NLGN4Y: variants seen among roughly 807,000 people sequenced by gnomAD.
NLGN4Y encodes neuroligin 4 Y-linked, also known as neuroligin-4, Y-linked.
Under a neutral mutation model 8.4 loss-of-function variants are expected in NLGN4Y, and 4 were observed. The ratio of observed to expected loss-of-function variants is 0.48; its 90% CI spans 0.23 to 1.09. NLGN4Y has a LOEUF of 1.09. NLGN4Y is among the 50% of genes least tolerant of loss of function. The pLI is 0.19. For synonymous variants in NLGN4Y, 35 were observed against 75.6 expected, an observed-to-expected ratio of 0.46 and a Z score of 2.78; for missense variants, 90 against 192.3, an observed-to-expected ratio of 0.47 and a Z score of 3.15.
intron 4 of NLGN4Y, among the ~76,000 whole-genome samples, chrY:14,762,017 T>TA (rs2081080896): frequency 6.1e-5 from 2 of 32,640 alleles, no homozygotes; most frequent in Admixed American, 5.7e-4. Context: ...CTGCTGGGCA[T>TA]GGTGGTACAT....
chrY:14,700,599 TCTGA>T (rs2150543544), intron 2 of NLGN4Y, among the ~76,000 whole-genome samples: 1 of 33,445 alleles, frequency 3.0e-5, no homozygotes, highest in East Asian at 8.0e-4. Flanking sequence ...AAGACCGTGT[TCTGA>T]CTATTTGTTT....
intron 1 of NLGN4Y, among the ~76,000 whole-genome samples, chrY:14,569,648 T>A (rs2080262831): frequency 3.0e-5 from 1 of 33,610 alleles, no homozygotes; most frequent in Admixed American, 2.7e-4. Flanking sequence ...ATGGGATTGC[T>A]GGGCCAAATG....
chrY:14,816,821 G>A (rs1005542942), intron 4 of NLGN4Y, among the ~76,000 whole-genome samples: 1 of 33,220 alleles, frequency 3.0e-5, no homozygotes, highest in Admixed American at 2.7e-4. Context: ...ATGCTAGATC[G>A]GTCCCATGCT....
At chrY:14,651,438 T>G (rs769837420) in intron 2 of NLGN4Y, among the ~76,000 whole-genome samples, 1 of 33,612 alleles carries the variant, frequency 3.0e-5, no homozygotes, top group African/African-American at 1.2e-4. Flanking sequence ...TTAATTATTA[T>G]TAGTAGTATT....
chrY:14,577,712 C>T, intron 1 of NLGN4Y, among the ~76,000 whole-genome samples: 1 of 33,735 alleles, frequency 3.0e-5, no homozygotes, highest in African/African-American at 1.2e-4. Flanking sequence ...CGTTGTGTTC[C>T]ACAACAGTTG....
chrY:14,665,672 A>C lies in NLGN4Y; in HGVS notation c.472+43081A>C, dbSNP rs750176884. 9.1e-5 allele frequency among the ~76,000 whole-genome samples: 3 copies of C among 33,076 alleles called. No homozygotes were observed. The East Asian group carries it at 2.5e-3, about 27-fold the overall frequency. 88.7% of individuals were successfully genotyped at this position (33,076 alleles called of 37,273 possible). On this transcript the variant is annotated intron_variant, in intron 2 of 6. Transcript: ENST00000684976. ...GTCATGCAAAGACTCTAGGGCTTGA[A>C]GGAGCCCAGTGCAATCAGGATCTGA... is the stretch of plus-strand genomic sequence containing the variant.
chrY:14,661,518 C>CA (rs2080674824), intron 2 of NLGN4Y, among the ~76,000 whole-genome samples: 1 of 32,795 alleles, frequency 3.0e-5, no homozygotes, highest in Admixed American at 2.8e-4. Context: ...AAAAACCACA[C>CA]AAAAAAATTG....
intron 4 of NLGN4Y, among the ~76,000 whole-genome samples, chrY:14,740,911 CT>C (rs2081004194): frequency 3.3e-5 from 1 of 30,654 alleles, no homozygotes; most frequent in Non-Finnish European, 8.0e-5. Flanking sequence ...CCAAACTATA[CT>C]TTTTTTTTTG....
intron 2 of NLGN4Y, among the ~76,000 whole-genome samples, chrY:14,646,656 C>G: frequency 3.0e-5 from 1 of 33,746 alleles, no homozygotes; most frequent in Non-Finnish European, 7.3e-5. Flanking sequence ...GTGAACATTA[C>G]TGAGGTAGAG....
At chrY:14,751,713 G>T (rs2081042097) in intron 4 of NLGN4Y, 1 of 27,841 alleles carries the variant, frequency 3.6e-5, no homozygotes, top group Non-Finnish European at 8.4e-5. Context: ...AGGCTGAAGT[G>T]CAGTGGCATG....
chrY:14,675,183 A>G (rs2080744281), intron 2 of NLGN4Y, among the ~76,000 whole-genome samples: 3 of 33,254 alleles, frequency 9.0e-5, no homozygotes, highest in Admixed American at 8.2e-4. Context: ...GATGGTGTGG[A>G]GCTACAATTT....
At chrY:14,704,949 A>G in intron 2 of NLGN4Y, among the ~76,000 whole-genome samples, 1 of 33,315 alleles carries the variant, frequency 3.0e-5, no homozygotes, top group Non-Finnish European at 7.4e-5. Context: ...TTGTTTGTGT[A>G]GAGGTGTTTA....
intron 2 of NLGN4Y, among the ~76,000 whole-genome samples, chrY:14,677,497 ATACCTGCCTTTC>A (rs2080752956): frequency 3.1e-5 from 1 of 32,594 alleles, no homozygotes; most frequent in Admixed American, 2.8e-4. Context: ...TTCCCCGAGC[ATACCTGCCTTTC>A]TACCTGCCTG....
chrY:14,785,669 C>A (rs748226730), intron 4 of NLGN4Y, among the ~76,000 whole-genome samples: 23 of 28,811 alleles, frequency 8.0e-4, no homozygotes, highest in South Asian at 4.6e-3. Flanking sequence ...GAGGCTGAAG[C>A]AGGAGAATGG....
chrY:14,782,026 G>A (rs996262979), intron 4 of NLGN4Y, among the ~76,000 whole-genome samples: 36 of 32,967 alleles, frequency 1.1e-3, no homozygotes, highest in African/African-American at 4.3e-3. Context: ...GTGTGTGAAG[G>A]GAACCGTGGG....
chrY:14,721,033 T>G, intron 3 of NLGN4Y, among the ~76,000 whole-genome samples: 1 of 34,061 alleles, frequency 2.9e-5, no homozygotes, highest in Non-Finnish European at 7.3e-5. Context: ...GTTTTCACAT[T>G]ATTCCCAGTG....
chrY:14,684,413 A>G, intron 2 of NLGN4Y, among the ~76,000 whole-genome samples: 1 of 32,511 alleles, frequency 3.1e-5, no homozygotes, highest in Non-Finnish European at 7.6e-5. Flanking sequence ...TGGCATCAGG[A>G]TCTGCTTCAA....
chrY:14,529,334 A>G (rs758997968), intron 1 of NLGN4Y, among the ~76,000 whole-genome samples: 31 of 32,722 alleles, frequency 9.5e-4, no homozygotes, highest in African/African-American at 3.5e-3. Flanking sequence ...TGAGGTTACT[A>G]AAAGTGTTAT....
At position 14,736,204 on chromosome Y, in the gene NLGN4Y, T is replaced by C. The variant is rs370441449; in HGVS notation, c.685+12935T>C. Among the ~76,000 whole-genome samples the C allele has an allele frequency of 5.1e-3, 170 of 33,351 alleles. No individual in the cohort carries two copies. The East Asian group carries it at 0.12, about 23-fold the overall frequency. 89.5% of individuals were successfully genotyped at this position (33,351 alleles called of 37,273 possible). A position where few individuals can be genotyped will look rare whatever the true frequency, so the allele number is the denominator to read the frequency against. ...ATTATTGTAACTTGGATGTGAGACA[T>C]GGAGTCAAAGAAGATTATTTTAGAG... On this transcript the variant is annotated intron_variant, in intron 4 of 6. Coordinates refer to ENST00000684976, the MANE Select transcript of NLGN4Y (RefSeq NM_001365588.1).
Sources: gnomAD v4.1 joint callset for allele counts (sites outside exome capture counted in the v4.1 genomes callset) on GRCh38, gnomAD v4.1.1 for gene constraint, MANE v1.5 for transcripts, NCBI Gene and HGNC (gene_info 2026-07-23, HGNC 2026-07-21) for gene names.